The following APBB2 variants were observed in gnomAD, a reference collection of about 807,000 sequenced individuals.
APBB2 encodes amyloid beta precursor protein binding family B member 2, also known as Fe65-like 1.
In APBB2, 38 loss-of-function variants were observed where a neutral mutation model predicts 82.5. The ratio of observed to expected loss-of-function variants is 0.46; its 90% CI spans 0.36 to 0.60. The LOEUF (loss-of-function observed/expected upper bound fraction) is 0.60. Among genes scored for constraint, APBB2 ranks in the 20% least tolerant of loss-of-function variants. The probability of loss-of-function intolerance (pLI) is 0.00; values close to 1 mark genes in which losing one functional copy is unlikely to be tolerated. For synonymous variants in APBB2, 341 were observed against 368.2 expected (o/e 0.93, Z 0.85); for missense variants, 772 against 972.3 (o/e 0.79, Z 2.74).
chr4:41,039,426 T>C (rs1016079602), intron 4 of APBB2, among the ~76,000 whole-genome samples: 2 of 152,220 alleles, frequency 1.3e-5, no homozygotes, highest in Non-Finnish European at 2.9e-5. Context: ...CAATACTTAA[T>C]GTCTGGAAGC....
intron 10 of APBB2, among the ~76,000 whole-genome samples, chr4:40,933,718 G>A (rs1195933758): frequency 6.6e-6 from 1 of 152,192 alleles, no homozygotes; most frequent in Non-Finnish European, 1.5e-5. Context: ...GGTGAGAACC[G>A]CACAGGGACG....
intron 3 of APBB2, among the ~76,000 whole-genome samples, chr4:41,095,136 T>C (rs1743085264): frequency 6.6e-6 from 1 of 152,232 alleles, no homozygotes; most frequent in African/African-American, 2.4e-5. Context: ...TGGGTTCAAG[T>C]AGTGACAATG....
intron 2 of APBB2, among the ~76,000 whole-genome samples, chr4:41,112,010 A>G (rs1483004652): frequency 6.6e-6 from 1 of 152,204 alleles, no homozygotes; most frequent in Non-Finnish European, 1.5e-5. Context: ...GAACCACAGG[A>G]AAGTTGAAAC....
intron 2 of APBB2, among the ~76,000 whole-genome samples, chr4:41,118,952 C>T (rs1045344043): frequency 6.6e-6 from 1 of 152,032 alleles, no homozygotes; most frequent in Non-Finnish European, 1.5e-5. Context: ...CTGGCCTTGG[C>T]AATACAGCGA....
At chr4:40,942,267 T>A (rs547374615) in intron 7 of APBB2, among the ~76,000 whole-genome samples, 1 of 152,240 alleles carries the variant, frequency 6.6e-6, no homozygotes, top group Non-Finnish European at 1.5e-5. Flanking sequence ...TGGATATGAG[T>A]CCCTGTCTCT....
At chr4:41,060,981 G>T (rs1014801589) in intron 4 of APBB2, among the ~76,000 whole-genome samples, 3 of 152,144 alleles carry the variant, frequency 2.0e-5, no homozygotes, top group African/African-American at 7.2e-5. Context: ...AAACCTAAAG[G>T]ACTCAAATAC....
intron 6 of APBB2, among the ~76,000 whole-genome samples, chr4:40,985,917 C>T (rs1392495556): frequency 6.6e-6 from 1 of 152,132 alleles, no homozygotes; most frequent in Non-Finnish European, 1.5e-5. Context: ...CTTGCTGATC[C>T]AAATTATCTT....
chr4:40,835,879 G>A (rs990435670), intron 12 of APBB2, among the ~76,000 whole-genome samples: 1 of 152,204 alleles, frequency 6.6e-6, no homozygotes, highest in East Asian at 1.9e-4. Context: ...TGGCAGGAGT[G>A]GCAGATGTGT....
At chr4:40,996,547 T>C (rs1704580490) in intron 6 of APBB2, among the ~76,000 whole-genome samples, 1 of 152,238 alleles carries the variant, frequency 6.6e-6, no homozygotes, top group South Asian at 2.1e-4. Context: ...TTGGCTATTA[T>C]TCCCACATCA....
chr4:40,894,714 T>A (rs956286532), intron 10 of APBB2, among the ~76,000 whole-genome samples: 1 of 152,210 alleles, frequency 6.6e-6, no homozygotes, highest in Non-Finnish European at 1.5e-5. Flanking sequence ...TTTTTTAAGG[T>A]TCTGTAATTC....
chr4:40,904,684 C>T (rs367825686), intron 10 of APBB2, among the ~76,000 whole-genome samples: 94 of 133,862 alleles, frequency 7.0e-4, no homozygotes, highest in Middle Eastern at 3.8e-3. Context: ...TTTGTTATTG[C>T]TTTTTTTTTT....
chr4:41,048,380 C>A (rs1316896489), intron 4 of APBB2, among the ~76,000 whole-genome samples: 2 of 152,158 alleles, frequency 1.3e-5, no homozygotes, highest in African/African-American at 4.8e-5. Flanking sequence ...GACACTCACC[C>A]CGTAACTGCT....
intron 3 of APBB2, among the ~76,000 whole-genome samples, chr4:41,099,030 T>G (rs1744474332): frequency 6.6e-6 from 1 of 152,248 alleles, no homozygotes; most frequent in African/African-American, 2.4e-5. Flanking sequence ...TATTTTTTTT[T>G]TAAATTCCAC....
chr4:41,153,651 G>A (rs950104505), intron 1 of APBB2, among the ~76,000 whole-genome samples: 1 of 152,116 alleles, frequency 6.6e-6, no homozygotes, highest in African/African-American at 2.4e-5. Context: ...CCTAAATCCT[G>A]CATTCTTACT....
At chr4:40,928,428 A>ACACAC (rs201061451) in intron 10 of APBB2, among the ~76,000 whole-genome samples, 1,511 of 54,146 alleles carry the variant, frequency 0.028, 16 homozygotes, top group East Asian at 0.057. Flanking sequence ...ACACACACAC[A>ACACAC]ATCAGCCAGG....
At chr4:41,031,642 T>G (rs1352991198) in intron 5 of APBB2, among the ~76,000 whole-genome samples, 2 of 152,226 alleles carry the variant, frequency 1.3e-5, no homozygotes, top group African/African-American at 4.8e-5. Context: ...GTTATTTGAT[T>G]AGTCCACCTT....
chr4:41,156,748 T>G (rs948131157), intron 1 of APBB2, among the ~76,000 whole-genome samples: 1 of 152,132 alleles, frequency 6.6e-6, no homozygotes, highest in East Asian at 1.9e-4. Flanking sequence ...CATTTAATAT[T>G]CTGAGTCAGT....
intron 6 of APBB2, among the ~76,000 whole-genome samples, chr4:40,946,812 A>C (rs962373206): frequency 6.6e-6 from 1 of 152,208 alleles, no homozygotes; most frequent in Non-Finnish European, 1.5e-5. Flanking sequence ...GGAGAACACG[A>C]GTGGGCCTGG....
At chr4:40,894,593 G>A (rs564407214) in intron 10 of APBB2, among the ~76,000 whole-genome samples, 2 of 152,342 alleles carry the variant, frequency 1.3e-5, no homozygotes, top group African/African-American at 4.8e-5. Context: ...TATAGCGTTT[G>A]TGACGAGGGA....
Sources: gnomAD v4.1 joint callset for allele counts (sites outside exome capture counted in the v4.1 genomes callset) on GRCh38, gnomAD v4.1.1 for gene constraint, MANE v1.5 for transcripts, NCBI Gene and HGNC (gene_info 2026-07-23, HGNC 2026-07-21) for gene names.